CDIN1: variants seen among roughly 807,000 people sequenced by gnomAD.
CDIN1 encodes CDAN1-interacting nuclease 1.
Under a neutral mutation model 45.3 loss-of-function variants are expected in CDIN1, and 33 were observed. That is an observed-to-expected ratio of 0.73 (90% CI 0.55 to 0.97). The LOEUF is 0.97. Ranked by LOEUF, CDIN1 falls within the 50% of genes least tolerant of loss-of-function variation. The pLI is 0.00. For synonymous variants in CDIN1, 118 were observed against 124.4 expected (o/e 0.95, Z 0.34); for missense variants, 303 against 339.4 (o/e 0.89, Z 0.84).
intron 10 of CDIN1, among the ~76,000 whole-genome samples, chr15:36,767,245 G>T (rs1441692767): frequency 6.6e-6 from 1 of 152,040 alleles, no homozygotes; most frequent in Non-Finnish European, 1.5e-5. Flanking sequence ...CCTTCCAAAT[G>T]TGTTACGGTT....
At chr15:36,699,364 A>G (rs973680811) in intron 8 of CDIN1, among the ~76,000 whole-genome samples, 3 of 152,194 alleles carry the variant, frequency 2.0e-5, no homozygotes, top group African/African-American at 4.8e-5. Context: ...GTAAATTTAG[A>G]TAGATCATTT....
chr15:36,746,691 A>G (rs2044453140), intron 10 of CDIN1, among the ~76,000 whole-genome samples: 1 of 150,122 alleles, frequency 6.7e-6, no homozygotes. Flanking sequence ...ACACACACAC[A>G]CACACACTGC....
intron 1 of CDIN1, among the ~76,000 whole-genome samples, chr15:36,608,354 ATT>A (rs374167957): frequency 1.3e-5 from 2 of 152,146 alleles, no homozygotes; most frequent in African/African-American, 4.8e-5. Flanking sequence ...TGTCCTTTTG[ATT>A]ATATTCCTGG....
chr15:36,675,432 A>G (rs1442013419), intron 5 of CDIN1, among the ~76,000 whole-genome samples: 2 of 152,084 alleles, frequency 1.3e-5, no homozygotes, highest in African/African-American at 4.8e-5. Flanking sequence ...GGGGTGTCCA[A>G]AGGTGATGCT....
chr15:36,674,783 A>G (rs1182747629), intron 5 of CDIN1, among the ~76,000 whole-genome samples: 1 of 152,018 alleles, frequency 6.6e-6, no homozygotes, highest in Non-Finnish European at 1.5e-5. Flanking sequence ...GTGGCCTCAT[A>G]TTTCCCAGTT....
chr15:36,792,145 C>G (rs1347649530), intron 10 of CDIN1, among the ~76,000 whole-genome samples: 3 of 152,150 alleles, frequency 2.0e-5, no homozygotes, highest in Admixed American at 6.5e-5. Flanking sequence ...CCTTCTAACT[C>G]CTCTTCACAT....
In CDIN1 at chr15:36,641,325, A is replaced by G. The variant is rs151215843; in HGVS notation, c.102-2953A>G. On this transcript the variant is annotated intron_variant, in intron 1 of 10. Coordinates refer to ENST00000566621, the MANE Select transcript of CDIN1 (RefSeq NM_001321759.2). ...GTTCCACAGTGTCCTCAAGGACCCA[A>G]GCTCTTTCCATCTTCCGTCTGCCAT... is the stretch of plus-strand genomic sequence containing the variant. The G allele has an allele frequency of 3.0e-3, 461 of 152,460 alleles. 3 individuals carry two copies. The highest frequency in any genetic ancestry group is 3.7e-3 in the Non-Finnish European group (255 of 68,122). 9.4% of individuals were successfully genotyped at this position (152,460 alleles called of 1,614,324 possible).
intron 10 of CDIN1, among the ~76,000 whole-genome samples, chr15:36,716,926 C>A (rs2043234918): frequency 2.0e-5 from 3 of 152,158 alleles, no homozygotes; most frequent in African/African-American, 7.2e-5. Flanking sequence ...GAGGCAGCAC[C>A]TGAACCCAAG....
At chr15:36,677,850 G>T (rs1240295972) in intron 5 of CDIN1, among the ~76,000 whole-genome samples, 1 of 152,168 alleles carries the variant, frequency 6.6e-6, no homozygotes, top group East Asian at 1.9e-4. Context: ...GAAGAATTCA[G>T]TATATTCATA....
At chr15:36,788,106 A>ATTT (rs1172040193) in intron 10 of CDIN1, among the ~76,000 whole-genome samples, 10 of 50,532 alleles carry the variant, frequency 2.0e-4, no homozygotes, top group African/African-American at 7.0e-4. Context: ...ATATATATAT[A>ATTT]TTTTTTTTTT....
At chr15:36,659,489 G>A (rs992129140) in intron 5 of CDIN1, among the ~76,000 whole-genome samples, 2 of 152,084 alleles carry the variant, frequency 1.3e-5, no homozygotes, top group African/African-American at 4.8e-5. Flanking sequence ...TTGGAAAGGA[G>A]GCGAATGTAA....
At chr15:36,751,871 A>G (rs1322312089) in intron 10 of CDIN1, among the ~76,000 whole-genome samples, 1 of 152,206 alleles carries the variant, frequency 6.6e-6, no homozygotes, top group African/African-American at 2.4e-5. Context: ...GCTGGAAGCC[A>G]TTATGCTCAG....
intron 1 of CDIN1, among the ~76,000 whole-genome samples, chr15:36,638,444 G>T (rs1434948644): frequency 6.6e-6 from 1 of 152,178 alleles, no homozygotes; most frequent in Non-Finnish European, 1.5e-5. Flanking sequence ...ATTTATATTT[G>T]CCTGCCTGGT....
At chr15:36,710,678 A>G (rs1271161961) in intron 10 of CDIN1, among the ~76,000 whole-genome samples, 1 of 152,096 alleles carries the variant, frequency 6.6e-6, no homozygotes, top group Non-Finnish European at 1.5e-5. Context: ...GGCTTTTTCT[A>G]TTATTGCAGT....
chr15:36,713,729 A>T (rs2043132991), intron 10 of CDIN1, among the ~76,000 whole-genome samples: 1 of 152,180 alleles, frequency 6.6e-6, no homozygotes, highest in Non-Finnish European at 1.5e-5. Context: ...TTCCGACTAG[A>T]CATTTTTAAT....
chr15:36,741,906 A>G (rs1324055808), intron 10 of CDIN1, among the ~76,000 whole-genome samples: 3 of 152,214 alleles, frequency 2.0e-5, no homozygotes, highest in African/African-American at 4.8e-5. Context: ...TGGGAGGTAC[A>G]TAACACTAGG....
At chr15:36,636,716 A>G (rs2039913919) in intron 1 of CDIN1, among the ~76,000 whole-genome samples, 3 of 152,194 alleles carry the variant, frequency 2.0e-5, no homozygotes. Flanking sequence ...CAGACTTAAG[A>G]CAATTTCAGT....
At chr15:36,601,410 C>T (rs1276433638) in intron 1 of CDIN1, among the ~76,000 whole-genome samples, 1 of 152,100 alleles carries the variant, frequency 6.6e-6, no homozygotes, top group Non-Finnish European at 1.5e-5. Context: ...TACTTACCAC[C>T]CTTGACCATG....
In CDIN1 at chr15:36,652,939, A is replaced by C. The variant is rs144195082; in HGVS notation, c.213-1159A>C. ...ACTGTAGGGAAAATTTCCATACCTA[A>C]TTCTGCTTTCTTGTCCAATATGGTT... On this transcript the variant is annotated intron_variant, in intron 3 of 10. Coordinates refer to ENST00000566621, the MANE Select transcript of CDIN1 (RefSeq NM_001321759.2). Among the ~76,000 whole-genome samples the C allele has an allele frequency of 6.2e-3, 940 of 152,268 alleles. 7 individuals carry two copies. Among genetic ancestry groups the C allele is most frequent in the African/African-American group, 0.021 (892 of 41,556 alleles).
Sources: allele counts gnomAD v4.1 joint callset (sites outside exome capture counted in the v4.1 genomes callset), GRCh38; gene constraint gnomAD v4.1.1; transcripts MANE v1.5; gene names NCBI Gene and HGNC (gene_info 2026-07-23, HGNC 2026-07-21).